SKAP2: variants seen among roughly 807,000 people sequenced by gnomAD.
The protein encoded by SKAP2 is src kinase associated phosphoprotein 2, also known as src kinase-associated phosphoprotein 2.
SKAP2 carries 28 observed loss-of-function variants against 54.9 expected under a neutral mutation model. The ratio of observed to expected loss-of-function variants is 0.51; its 90% CI spans 0.38 to 0.70. The LOEUF (loss-of-function observed/expected upper bound fraction) is 0.70. Ranked by LOEUF, SKAP2 falls within the 30% of genes least tolerant of loss-of-function variation. The probability of loss-of-function intolerance (pLI) is 0.00; values close to 1 mark genes in which losing one functional copy is unlikely to be tolerated. For missense variants in SKAP2, 356 were observed against 424.1 expected, an observed-to-expected ratio of 0.84 and a Z score of 1.41; for synonymous variants, 137 against 134.3, an observed-to-expected ratio of 1.02 and a Z score of -0.14.
downstream of SKAP2, among the ~76,000 whole-genome samples, chr7:26,666,446 A>T (rs1452721985): frequency 1.3e-5 from 2 of 152,190 alleles, no homozygotes; most frequent in Non-Finnish European, 2.9e-5. Flanking sequence ...ATTATATAAA[A>T]AGTAGAAATC....
chr7:26,846,852 G>A (rs746375964), intron 3 of SKAP2, among the ~76,000 whole-genome samples: 24 of 152,014 alleles, frequency 1.6e-4, no homozygotes, highest in Non-Finnish European at 2.8e-4. Context: ...ATGATGGCAG[G>A]CACCTGTAAT....
At chr7:26,791,413 C>A (rs931203481) in intron 4 of SKAP2, among the ~76,000 whole-genome samples, 2 of 151,980 alleles carry the variant, frequency 1.3e-5, no homozygotes, top group Non-Finnish European at 2.9e-5. Context: ...TGGGCTCAAG[C>A]GATCCTCCTG....
chr7:26,861,747 AAAATAAT>A (rs1785277272), intron 1 of SKAP2, among the ~76,000 whole-genome samples: 1 of 151,826 alleles, frequency 6.6e-6, no homozygotes, highest in African/African-American at 2.4e-5. Context: ...AAGAGAAAGA[AAAATAAT>A]AAATAAGAAT....
At chr7:26,733,016 A>G (rs1206709172) in intron 6 of SKAP2, among the ~76,000 whole-genome samples, 1 of 152,130 alleles carries the variant, frequency 6.6e-6, no homozygotes, top group African/African-American at 2.4e-5. Context: ...TTGTAATCCC[A>G]GCTACTCAGG....
intron 4 of SKAP2, among the ~76,000 whole-genome samples, chr7:26,778,000 A>G (rs1161363950): frequency 1.3e-5 from 2 of 152,052 alleles, no homozygotes; most frequent in Non-Finnish European, 2.9e-5. Context: ...TGCCAATCCT[A>G]TTAATTATAT....
chr7:26,696,906 T>G (rs997498408), intron 9 of SKAP2, among the ~76,000 whole-genome samples: 2 of 152,050 alleles, frequency 1.3e-5, no homozygotes, highest in African/African-American at 4.8e-5. Flanking sequence ...AGACGCTGTC[T>G]CTAACAAAAA....
intron 4 of SKAP2, among the ~76,000 whole-genome samples, chr7:26,744,243 C>T (rs1445180394): frequency 1.3e-4 from 20 of 151,528 alleles, no homozygotes; most frequent in Non-Finnish European, 2.8e-4. Context: ...AAAGTGTTAA[C>T]AATTAAAAAT....
At chr7:26,699,155 A>C (rs948576327) in intron 9 of SKAP2, among the ~76,000 whole-genome samples, 11 of 152,198 alleles carry the variant, frequency 7.2e-5, no homozygotes, top group Admixed American at 1.3e-4. Flanking sequence ...CAGATTCCAC[A>C]TTGTACCAGC....
chr7:26,859,786 A>G (rs948209917), intron 1 of SKAP2, among the ~76,000 whole-genome samples: 1 of 152,236 alleles, frequency 6.6e-6, no homozygotes. Flanking sequence ...TTTACACTAT[A>G]TTCAGTTTTA....
rs531707641 is a variant in SKAP2, at chr7:26,789,852, C to T, written c.308-49888G>A. 7.5e-4 allele frequency among the ~76,000 whole-genome samples: 114 copies of T among 152,274 alleles called. 1 individual carries two copies. The highest frequency in any genetic ancestry group is 3.5e-3 in the South Asian group (17 of 4,824). ...GGTCTCATCCTTCATTCCTCCTAAG[C>T]GTTGTGCCAAAGGGGAATAAGTATA... On this transcript the variant is annotated intron_variant, in intron 4 of 12. Transcript: ENST00000345317.
intron 11 of SKAP2, among the ~76,000 whole-genome samples, chr7:26,674,533 TCTATA>T: frequency 6.6e-6 from 1 of 152,202 alleles, no homozygotes; most frequent in East Asian, 1.9e-4. Context: ...ACTATTACTA[TCTATA>T]CATTAACTAC....
intron 9 of SKAP2, among the ~76,000 whole-genome samples, chr7:26,723,762 C>T (rs930081306): frequency 5.9e-5 from 9 of 151,754 alleles, no homozygotes; most frequent in Middle Eastern, 3.4e-3. Flanking sequence ...CAGAACTTAA[C>T]AGTTATTTCA....
chr7:26,787,179 T>C lies in SKAP2; in HGVS notation c.308-47215A>G, dbSNP rs527753309. On this transcript the variant is annotated intron_variant, in intron 4 of 12. Coordinates refer to ENST00000345317, the MANE Select transcript of SKAP2 (RefSeq NM_003930.5). ...GCCACAAATGACTTTTAACCACCAG[T>C]ATTAGGCTGTTTTTGCACTGCTATA... 3.4e-4 allele frequency among the ~76,000 whole-genome samples: 52 copies of C among 152,294 alleles called. 1 individual carries two copies. The South Asian group carries it at 0.01, about 30-fold the overall frequency.
rs934970760 is a variant in SKAP2 at position 26,682,627 on chromosome 7, T to C, written c.987+2109A>G. On this transcript the variant is annotated intron_variant, in intron 11 of 12. Coordinates refer to ENST00000345317, the MANE Select transcript of SKAP2 (RefSeq NM_003930.5). The stretch of plus-strand genomic sequence containing the variant: ...TCTAGAAGGCCCTTAATAAATATGA[T>C]CATGATGGTGAAACTTCAAGCCTTG... Among the ~76,000 whole-genome samples, 3 of 152,132 alleles carry C rather than the reference T, an allele frequency of 2.0e-5. 1 individual carries two copies. The highest frequency in any genetic ancestry group is 6.3e-3 in the Middle Eastern group (2 of 316).
intron 4 of SKAP2, among the ~76,000 whole-genome samples, chr7:26,779,146 T>C (rs746246971): frequency 1.3e-4 from 20 of 152,156 alleles, no homozygotes; most frequent in Admixed American, 5.9e-4. Flanking sequence ...ATGTTATCAA[T>C]AATTCCATAA....
intron 4 of SKAP2, among the ~76,000 whole-genome samples, chr7:26,787,378 G>C (rs186048521): frequency 6.6e-6 from 1 of 151,668 alleles, no homozygotes; most frequent in South Asian, 2.1e-4. Flanking sequence ...GCTGGAGTGC[G>C]GTAGCACAAT....
At chr7:26,707,013 C>T (rs1483184504) in intron 9 of SKAP2, among the ~76,000 whole-genome samples, 2 of 152,116 alleles carry the variant, frequency 1.3e-5, no homozygotes, top group African/African-American at 4.8e-5. Flanking sequence ...ATAAATTCAG[C>T]GGCCATTTAA....
intron 4 of SKAP2, among the ~76,000 whole-genome samples, chr7:26,768,006 C>G (rs1445220043): frequency 6.6e-6 from 1 of 152,120 alleles, no homozygotes; most frequent in Admixed American, 6.5e-5. Context: ...AGTTCAAGTT[C>G]TGAATATCCT....
chr7:26,853,778 TA>T (rs1785099162), intron 3 of SKAP2, among the ~76,000 whole-genome samples: 1 of 152,160 alleles, frequency 6.6e-6, no homozygotes, highest in African/African-American at 2.4e-5. Flanking sequence ...TCTGCAGTGT[TA>T]AATGGCAGTG....
Sources: allele counts gnomAD v4.1 joint callset (sites outside exome capture counted in the v4.1 genomes callset), GRCh38; gene constraint gnomAD v4.1.1; transcripts MANE v1.5; gene names NCBI Gene and HGNC (gene_info 2026-07-23, HGNC 2026-07-21).